Variants in PLXDC2 observed in about 807,000 individuals in gnomAD.
PLXDC2 encodes the protein plexin domain containing 2.
In PLXDC2, 40 loss-of-function variants were observed where a neutral mutation model predicts 68.9. That is an observed-to-expected ratio of 0.58 (90% CI 0.45 to 0.76). The LOEUF is 0.76. PLXDC2 is among the 30% of genes least tolerant of loss of function. The probability of loss-of-function intolerance (pLI) is 0.00; values close to 1 mark genes in which losing one functional copy is unlikely to be tolerated. For synonymous variants in PLXDC2, 243 were observed against 234.2 expected (o/e 1.04, Z -0.34); for missense variants, 644 against 661.9 (o/e 0.97, Z 0.30).
At chr10:20,063,939 C>G (rs1170282449) in intron 3 of PLXDC2, among the ~76,000 whole-genome samples, 9 of 152,092 alleles carry the variant, frequency 5.9e-5, no homozygotes, top group Admixed American at 4.6e-4. Context: ...GTTACCATTC[C>G]CCCTTCTTTT....
At chr10:19,859,972 C>A (rs577752042) in intron 1 of PLXDC2, among the ~76,000 whole-genome samples, 1 of 152,146 alleles carries the variant, frequency 6.6e-6, no homozygotes, top group African/African-American at 2.4e-5. Flanking sequence ...TCAAGTGATC[C>A]ACCCACCTCA....
chr10:20,151,975 T>A (rs1834158281), intron 6 of PLXDC2, among the ~76,000 whole-genome samples: 1 of 152,122 alleles, frequency 6.6e-6, no homozygotes, highest in Non-Finnish European at 1.5e-5. Context: ...TAAATTTTAA[T>A]TACCATTAAA....
rs1836143109 is a variant in PLXDC2 at position 20,285,597 on chromosome 10, G to T, written c.*5778G>T. 1 of 152,172 alleles carries T rather than the reference G, an allele frequency of 6.6e-6. No homozygotes were observed. Among genetic ancestry groups the T allele is most frequent in the African/African-American group, 2.4e-5 (1 of 41,450 alleles). The allele number at this position is 152,172 out of a possible 1,614,324, so 9.4% of individuals were successfully genotyped here. ...GTTAATTTTATCTGTGAGAAAAAAA[G>T]TTACTCAAAATTCTCCCTGACCTAA... is the stretch of plus-strand genomic sequence containing the variant. On this transcript the variant is annotated 3_prime_UTR_variant, in exon 14 of 14. Coordinates refer to ENST00000377252, the MANE Select transcript of PLXDC2 (RefSeq NM_032812.9).
At chr10:20,083,721 A>C (rs1404497873) in intron 4 of PLXDC2, among the ~76,000 whole-genome samples, 3 of 152,178 alleles carry the variant, frequency 2.0e-5, no homozygotes. Context: ...GGCAGTATAA[A>C]TTGCTGATAA....
At chr10:19,914,514 A>T (rs1266868276) in intron 1 of PLXDC2, among the ~76,000 whole-genome samples, 1 of 152,234 alleles carries the variant, frequency 6.6e-6, no homozygotes, top group Non-Finnish European at 1.5e-5. Context: ...GAAATAAATG[A>T]TAAGTAAAGA....
intron 1 of PLXDC2, among the ~76,000 whole-genome samples, chr10:19,875,403 G>A (rs1564616141): frequency 6.6e-6 from 1 of 152,170 alleles, no homozygotes; most frequent in Non-Finnish European, 1.5e-5. Context: ...AATCCAAGAG[G>A]TTAAAAAGAT....
chr10:20,129,752 T>G (rs1015345117), intron 4 of PLXDC2, among the ~76,000 whole-genome samples: 2 of 152,110 alleles, frequency 1.3e-5, no homozygotes, highest in Non-Finnish European at 2.9e-5. Flanking sequence ...TTTCTAACAT[T>G]ATTTATTAAA....
intron 1 of PLXDC2, among the ~76,000 whole-genome samples, chr10:19,960,525 C>T (rs934261925): frequency 1.3e-5 from 2 of 152,168 alleles, no homozygotes; most frequent in Non-Finnish European, 2.9e-5. Context: ...TAGCTCCTCT[C>T]TTTTTCCTTC....
intron 4 of PLXDC2, among the ~76,000 whole-genome samples, chr10:20,109,653 T>C (rs191734737): frequency 1.8e-4 from 27 of 152,326 alleles, no homozygotes; most frequent in East Asian, 3.9e-4. Context: ...TTCTCTCACA[T>C]AGAAGATAAT....
chr10:20,124,012 C>A (rs557429087), intron 4 of PLXDC2, among the ~76,000 whole-genome samples: 109 of 151,518 alleles, frequency 7.2e-4, no homozygotes, highest in African/African-American at 2.6e-3. Flanking sequence ...TCTTGCCCCC[C>A]AGAAAGGCAG....
At chr10:19,919,291 G>A (rs1833420270) in intron 1 of PLXDC2, among the ~76,000 whole-genome samples, 1 of 152,180 alleles carries the variant, frequency 6.6e-6, no homozygotes, top group Non-Finnish European at 1.5e-5. Flanking sequence ...TATTAGGTGT[G>A]CTTTTACAGT....
At chr10:20,171,717 T>C (rs1290336177) in intron 7 of PLXDC2, among the ~76,000 whole-genome samples, 1 of 152,204 alleles carries the variant, frequency 6.6e-6, no homozygotes, top group Non-Finnish European at 1.5e-5. Flanking sequence ...GCTTTCTTCA[T>C]GGACTTGTGG....
chr10:19,977,447 C>T (rs910940463), intron 1 of PLXDC2, among the ~76,000 whole-genome samples: 1 of 152,126 alleles, frequency 6.6e-6, no homozygotes, highest in Non-Finnish European at 1.5e-5. Flanking sequence ...TTCTAGGAGG[C>T]CACTGGGGGA....
At position 19,817,097 on chromosome 10, in the gene PLXDC2, G is replaced by A. The variant is rs1006219063; in HGVS notation, c.18G>A (p.Lys6=). 1 of 1,557,338 alleles carries A rather than the reference G, an allele frequency of 6.4e-7. No homozygotes were observed. Among genetic ancestry groups the A allele is most frequent in the African/African-American group, 1.4e-5 (1 of 73,174 alleles). MARFP[K]ADLAAAGVML... ...GCGGCGGCATGGCGAGGTTCCCGAA[G>A]GCCGACCTGGCCGCTGCAGGAGTTA... The change falls in exon 1 of 14, where the codon AAG becomes AAA. Residue 6 remains lysine, a synonymous_variant. Transcript: ENST00000377252.
rs181160086 is a variant in PLXDC2 at position 20,275,651 on chromosome 10, G to A, written c.1474-4052G>A. Among the ~76,000 whole-genome samples, 93 of 152,136 alleles carry A rather than the reference G, an allele frequency of 6.1e-4. 1 individual carries two copies. Among genetic ancestry groups the A allele is most frequent in the Admixed American group, 3.2e-3 (49 of 15,290 alleles). On this transcript the variant is annotated intron_variant, in intron 13 of 13. Transcript: ENST00000377252. Reference sequence around the variant, plus strand: ...GGAAGGGTCGGGCGCTTTGGCTCACGCCTGTAATCACAGCACTTTGGGAGG... The same window carrying A: ...GGAAGGGTCGGGCGCTTTGGCTCACACCTGTAATCACAGCACTTTGGGAGG...
Position 20,237,002 on chromosome 10 carries a change from T to G in PLXDC2, c.1313-8343T>G, listed in dbSNP as rs1398764225. ...AAGGTAAGGGATTATGAGTTGTTGT[T>G]TTTTTTTTTTAAAGGATAGTCATCC... On this transcript the variant is annotated intron_variant, in intron 12 of 13. Coordinates refer to ENST00000377252, the MANE Select transcript of PLXDC2 (RefSeq NM_032812.9). Among the ~76,000 whole-genome samples the G allele has an allele frequency of 3.3e-5, 5 of 150,160 alleles. No individual in the cohort carries two copies. The East Asian group carries it at 7.8e-4, about 23-fold the overall frequency.
At chr10:20,164,687 A>G in intron 7 of PLXDC2, 120 bp downstream of exon 7, 1 of 746,628 alleles carries the variant, frequency 1.3e-6, no homozygotes, top group East Asian at 2.7e-5. Context: ...TAGCTGATTA[A>G]TGCTTGTTAA....
intron 1 of PLXDC2, among the ~76,000 whole-genome samples, chr10:19,914,751 G>T (rs921030501): frequency 6.6e-6 from 1 of 152,186 alleles, no homozygotes; most frequent in Admixed American, 6.5e-5. Flanking sequence ...GAAGCCCAGG[G>T]TCACACAAGT....
In PLXDC2 at chr10:19,879,157, G is replaced by A. The variant is rs531967698; in HGVS notation, c.112+61966G>A. Among the ~76,000 whole-genome samples, 6 of 152,078 alleles carry A rather than the reference G, an allele frequency of 3.9e-5. No homozygotes were observed. In the East Asian group the frequency reaches 1.2e-3, roughly 29 times the overall value. On this transcript the variant is annotated intron_variant, in intron 1 of 13. Transcript: ENST00000377252. ...GAAAAATAACATCCCTTCATTTAGG[G>A]GACTAAAGCAATGATAGGATAGGTA...
Sources: gnomAD v4.1 joint callset for allele counts (sites outside exome capture counted in the v4.1 genomes callset) on GRCh38, gnomAD v4.1.1 for gene constraint, MANE v1.5 for transcripts, NCBI Gene and HGNC (gene_info 2026-07-23, HGNC 2026-07-21) for gene names.